Variants in CHD5 observed in about 807,000 individuals in gnomAD.
The protein encoded by CHD5 is chromodomain helicase DNA binding protein 5.
CHD5 carries 69 observed loss-of-function variants against 230.3 expected under a neutral mutation model. That is an observed-to-expected ratio of 0.30 (90% CI 0.25 to 0.37). The LOEUF (loss-of-function observed/expected upper bound fraction) is 0.37. Ranked by LOEUF, CHD5 falls within the 10% of genes least tolerant of loss-of-function variation. CHD5 has a pLI of 1.00. For missense variants in CHD5, 1,827 were observed against 2,622.8 expected, an observed-to-expected ratio of 0.70 and a Z score of 6.63; for synonymous variants, 1,064 against 1,065.9, an observed-to-expected ratio of 1.00 and a Z score of 0.03.
In CHD5 at chr1:6,168,055, C is replaced by T. The variant is rs1667281708; in HGVS notation, c.207+95G>A. On this transcript the variant is annotated intron_variant, in intron 2 of 41. Coordinates refer to ENST00000262450, the MANE Select transcript of CHD5 (RefSeq NM_015557.3). ...TCAGCTCTCAGAAACCCTCAAACTC[C>T]AAGGTCCAGGGACCCCAGCCCTCCT... is the stretch of plus-strand genomic sequence containing the variant. 3.5e-6 allele frequency: 5 copies of T among 1,414,390 alleles called. No homozygotes were observed. In the Admixed American group the frequency reaches 7.0e-5, roughly 20 times the overall value. The allele number at this position is 1,414,390 out of a possible 1,614,324, so 87.6% of individuals were successfully genotyped here. A position where few individuals can be genotyped will look rare whatever the true frequency, so the allele number is the denominator to read the frequency against.
chr1:6,160,680 A>C (rs568483760), intron 2 of CHD5, among the ~76,000 whole-genome samples: 1 of 152,400 alleles, frequency 6.6e-6, no homozygotes, highest in South Asian at 2.1e-4. Flanking sequence ...GGATGGCACA[A>C]GCCCACCTTC....
In CHD5 at chr1:6,154,547, A is replaced by T; in HGVS notation, c.745+113T>A. 1 of 936,688 alleles carries T rather than the reference A, an allele frequency of 1.1e-6. No homozygotes were observed. The highest frequency in any genetic ancestry group is 1.6e-6 in the Non-Finnish European group (1 of 639,510). The allele number at this position is 936,688 out of a possible 1,614,324, so 58.0% of individuals were successfully genotyped here. On this transcript the variant is annotated intron_variant, in intron 5 of 41. Coordinates refer to ENST00000262450, the MANE Select transcript of CHD5 (RefSeq NM_015557.3). The surrounding 1 kb of genome is among the most constrained non-coding windows in gnomAD (Gnocchi z 7.0). ...TCACACAGGCACAGAGCCCTCCATT[A>T]GGAGCACCCCAGCTGCCCCTCCCTG...
chr1:6,132,576 G>GGAGCATCTCAAGGTGT (rs1553139563), intron 20 of CHD5, among the ~76,000 whole-genome samples: 2 of 152,110 alleles, frequency 1.3e-5, no homozygotes, highest in Non-Finnish European at 2.9e-5. Flanking sequence ...GATGATTGTT[G>GGAGCATCTCAAGGTGT]GAGCATCTCA....
At chr1:6,127,931 G>C in intron 25 of CHD5, 115 bp downstream of exon 25, 1 of 928,728 alleles carries the variant, frequency 1.1e-6, no homozygotes, top group South Asian at 1.6e-5. Flanking sequence ...GTCACAGCTT[G>C]GAGGGCTGGC....
intron 15 of CHD5, among the ~76,000 whole-genome samples, chr1:6,141,308 T>C (rs1290371698): frequency 4.2e-5 from 6 of 144,498 alleles, no homozygotes; most frequent in Non-Finnish European, 9.0e-5. Flanking sequence ...TAATAATTAA[T>C]AATAATAATA....
chr1:6,149,201 C>G (rs553365144), intron 8 of CHD5, 45 bp downstream of exon 8: 1 of 1,517,198 alleles, frequency 6.6e-7, no homozygotes, highest in Non-Finnish European at 8.9e-7. Flanking sequence ...GGTGGGGGAG[C>G]CAGGCGTGGC....
In CHD5 at chr1:6,125,995, T is replaced by G. The variant is rs574024640; in HGVS notation, c.4079-137A>C. 37 of 666,046 alleles carry G rather than the reference T, an allele frequency of 5.6e-5. 2 individuals carry two copies. The South Asian group carries it at 6.4e-4, about 12-fold the overall frequency. The allele number at this position is 666,046 out of a possible 1,614,324, so 41.3% of individuals were successfully genotyped here. On this transcript the variant is annotated intron_variant, in intron 26 of 41. Coordinates refer to ENST00000262450, the MANE Select transcript of CHD5 (RefSeq NM_015557.3). The surrounding 1 kb of genome is among the most constrained non-coding windows in gnomAD (Gnocchi z 6.7). ...AAGCAGTGACAATGGCCCACATACT[T>G]CCTGTGGGCTCATTTAGTAATCCCA... is the stretch of plus-strand genomic sequence containing the variant.
chr1:6,134,635 G>T lies in CHD5; in HGVS notation c.3012+83C>A. The T allele has an allele frequency of 7.2e-7, 1 of 1,392,532 alleles. No individual in the cohort carries two copies. The highest frequency in any genetic ancestry group is 1.0e-6 in the Non-Finnish European group (1 of 983,474). 86.3% of individuals were successfully genotyped at this position (1,392,532 alleles called of 1,614,324 possible). On this transcript the variant is annotated intron_variant, in intron 19 of 41. Coordinates refer to ENST00000262450, the MANE Select transcript of CHD5 (RefSeq NM_015557.3). This position sits in a 1 kb window ranked among gnomAD's most constrained non-coding sequence, Gnocchi z 6.3. ...AATGGCCAGGAGAACCTATCACAGC[G>T]GCCACAGGGACCTACCATGGCGGCC...
chr1:6,125,918 G>A lies in CHD5; in HGVS notation c.4079-60C>T. ...CTGTACAAGCAAAGCCCACCCTCAAGTTCAAGCATGCCCAGGGCCACGCCG... is the reference window on the plus strand; with the variant it reads ...CTGTACAAGCAAAGCCCACCCTCAAATTCAAGCATGCCCAGGGCCACGCCG... On this transcript the variant is annotated intron_variant, in intron 26 of 41. Coordinates refer to ENST00000262450, the MANE Select transcript of CHD5 (RefSeq NM_015557.3). The surrounding 1 kb of genome is among the most constrained non-coding windows in gnomAD (Gnocchi z 6.7). 7.5e-7 allele frequency: 1 copy of A among 1,326,088 alleles called. No homozygotes were observed. The highest frequency in any genetic ancestry group is 1.7e-5 in the Admixed American group (1 of 58,934). The allele number at this position is 1,326,088 out of a possible 1,614,324, so 82.1% of individuals were successfully genotyped here.
At position 6,152,404 on chromosome 1, in the gene CHD5, A is replaced by G. The variant is rs1452763196; in HGVS notation, c.870+8T>C. The G allele has an allele frequency of 2.5e-6, 4 of 1,612,210 alleles. No individual in the cohort carries two copies. ...TGCACACACACGCGCACACACGCAC[A>G]CACTCACCGAGGAGCCTTTCTTCCT... On this transcript the variant is annotated splice_region_variant and intron_variant, in intron 6 of 41. Transcript: ENST00000262450.
At chr1:6,132,953 G>A (rs1666681459) in intron 20 of CHD5, among the ~76,000 whole-genome samples, 1 of 151,568 alleles carries the variant, frequency 6.6e-6, no homozygotes, top group South Asian at 2.1e-4. Flanking sequence ...GGAGTGAAGT[G>A]ACAAGATCAC....
chr1:6,149,432 G>A lies in CHD5; in HGVS notation c.995-20C>T, dbSNP rs1474501016. The A allele has an allele frequency of 6.9e-6, 11 of 1,586,764 alleles. No individual in the cohort carries two copies. In the African/African-American group the frequency reaches 1.1e-4, roughly 16 times the overall value. ...CATCAACTAGGGTAGGGGAGAGGCAGTCATGGAAGTCCTCATCCACACTCC... is the reference window on the plus strand; with the variant it reads ...CATCAACTAGGGTAGGGGAGAGGCAATCATGGAAGTCCTCATCCACACTCC... On this transcript the variant is annotated intron_variant, in intron 7 of 41. Coordinates refer to ENST00000262450, the MANE Select transcript of CHD5 (RefSeq NM_015557.3).
At chr1:6,158,689 A>G (rs979216691) in intron 3 of CHD5, among the ~76,000 whole-genome samples, 7 of 152,184 alleles carry the variant, frequency 4.6e-5, no homozygotes, top group Admixed American at 2.0e-4. Context: ...GCACTTTGGG[A>G]GGCCAAGGCA....
intron 41 of CHD5, among the ~76,000 whole-genome samples, 167 bp downstream of exon 41, chr1:6,106,067 G>T (rs905796574): frequency 1.2e-4 from 18 of 152,260 alleles, no homozygotes; most frequent in African/African-American, 4.1e-4. Flanking sequence ...AAGGGGGCAA[G>T]GTAGAGGGGC....
intron 1 of CHD5, among the ~76,000 whole-genome samples, chr1:6,169,676 T>C (rs1667306371): frequency 6.6e-6 from 1 of 152,160 alleles, no homozygotes; most frequent in Admixed American, 6.5e-5. Context: ...TAGAGACACT[T>C]CTGCCCGTGG....
chr1:6,121,638 G>C lies in CHD5; in HGVS notation c.4700-65C>G. On this transcript the variant is annotated intron_variant, in intron 31 of 41. Transcript: ENST00000262450. The surrounding 1 kb of genome is among the most constrained non-coding windows in gnomAD (Gnocchi z 4.5). ...GACGGGAAGGAGTAGGGCAGGGAGTGGGGTGGCAGAGAGGAGAGATGGGGG... is the reference window on the plus strand; with the variant it reads ...GACGGGAAGGAGTAGGGCAGGGAGTCGGGTGGCAGAGAGGAGAGATGGGGG... 8.1e-7 allele frequency: 1 copy of C among 1,235,154 alleles called. No homozygotes were observed. Among genetic ancestry groups the C allele is most frequent in the Non-Finnish European group, 1.2e-6 (1 of 860,866 alleles). 76.5% of individuals were successfully genotyped at this position (1,235,154 alleles called of 1,614,324 possible). A position where few individuals can be genotyped will look rare whatever the true frequency, so the allele number is the denominator to read the frequency against.
rs148508492 is a variant in CHD5 at position 6,105,684 on chromosome 1, G to A, written c.*47-257C>T. Among the ~76,000 whole-genome samples, 769 of 152,304 alleles carry A rather than the reference G, an allele frequency of 5.0e-3. 5 individuals carry two copies. Among genetic ancestry groups the A allele is most frequent in the African/African-American group, 0.017 (704 of 41,554 alleles). On this transcript the variant is annotated intron_variant, in intron 41 of 41. Transcript: ENST00000262450. The surrounding 1 kb of genome is among the most constrained non-coding windows in gnomAD (Gnocchi z 4.8). ...TCTGGAGCCTCCTCCAGCAAGACAC[G>A]GTTCCCACAGGGACAGACACAGCGT...
chr1:6,154,874 C>G lies in CHD5; in HGVS notation c.531G>C (p.Pro177=). 1 of 1,613,760 alleles carries G rather than the reference C, an allele frequency of 6.2e-7. No homozygotes were observed. The highest frequency in any genetic ancestry group is 8.5e-7 in the Non-Finnish European group (1 of 1,179,896). Residue 177 remains proline, a synonymous_variant, in exon 5 of 42, where the codon CCG becomes CCC. Transcript: ENST00000262450. The surrounding 1 kb of genome is among the most constrained non-coding windows in gnomAD (Gnocchi z 7.0). ...FLRPLIAKKN[P]KIPMSKMMTV... ...TCATCATTTTGGACATGGGGATCTT[C>G]GGGTTCTTCTTGGCAATGAGTGGCC... is the stretch of plus-strand genomic sequence containing the variant.
chr1:6,177,688 T>C (rs565646509), intron 1 of CHD5, among the ~76,000 whole-genome samples: 20 of 152,210 alleles, frequency 1.3e-4, no homozygotes, highest in East Asian at 9.7e-4. Context: ...AGCAAGGGTG[T>C]CCCTCCCCAT....
Sources: gnomAD v4.1 joint callset for allele counts (sites outside exome capture counted in the v4.1 genomes callset) on GRCh38, gnomAD v4.1.1 for gene constraint, Gnocchi (gnomAD v3.1) non-coding constraint, MANE v1.5 for transcripts, NCBI Gene and HGNC (gene_info 2026-07-23, HGNC 2026-07-21) for gene names.